Variants in KIF16B observed in about 807,000 individuals in gnomAD.
KIF16B encodes kinesin-like protein KIF16B.
In KIF16B, 98 loss-of-function variants were observed where a neutral mutation model predicts 156.3. The observed-to-expected ratio is 0.63, with a 90% CI of 0.53 to 0.74. KIF16B has a LOEUF of 0.74. Ranked by LOEUF, KIF16B falls within the 30% of genes least tolerant of loss-of-function variation. The probability of loss-of-function intolerance (pLI) is 0.00; values close to 1 mark genes in which losing one functional copy is unlikely to be tolerated. For missense variants in KIF16B, 1,421 were observed against 1,606.5 expected, an observed-to-expected ratio of 0.88 and a Z score of 1.97; for synonymous variants, 564 against 583.7, an observed-to-expected ratio of 0.97 and a Z score of 0.49.
At chr20:16,316,101 C>T (rs2063694027) in intron 24 of KIF16B, among the ~76,000 whole-genome samples, 1 of 152,204 alleles carries the variant, frequency 6.6e-6, no homozygotes, top group African/African-American at 2.4e-5. Flanking sequence ...TCTATAAGCT[C>T]AGGTTGGACA....
chr20:16,514,190 T>C (rs539622985), intron 4 of KIF16B, among the ~76,000 whole-genome samples: 1 of 152,264 alleles, frequency 6.6e-6, no homozygotes, highest in East Asian at 1.9e-4. Flanking sequence ...AATTTCACTT[T>C]TGGAAGTTTT....
intron 12 of KIF16B, among the ~76,000 whole-genome samples, chr20:16,493,341 T>C (rs2068354613): frequency 6.6e-6 from 1 of 152,170 alleles, no homozygotes; most frequent in Non-Finnish European, 1.5e-5. Context: ...TCTGAAACAG[T>C]TGTCAGATGC....
intron 12 of KIF16B, among the ~76,000 whole-genome samples, chr20:16,473,829 G>A (rs2067732194): frequency 6.6e-6 from 1 of 152,172 alleles, no homozygotes; most frequent in Non-Finnish European, 1.5e-5. Context: ...AAGAAATACT[G>A]ATGGCTCAGA....
chr20:16,379,886 G>A lies in KIF16B; in HGVS notation c.2116C>T (p.Gln706Ter). 1 of 1,614,072 alleles carries A rather than the reference G, an allele frequency of 6.2e-7. No individual in the cohort carries two copies. Among genetic ancestry groups the A allele is most frequent in the Non-Finnish European group, 8.5e-7 (1 of 1,180,020 alleles). Residue 706 changes from glutamine to a stop codon, truncating the protein, a stop_gained, in exon 19 of 26, where the codon CAA becomes TAA. Coordinates refer to ENST00000354981, the MANE Select transcript of KIF16B (RefSeq NM_024704.5). LOFTEE classifies it high-confidence loss of function. ...TCTTTGAGTCGTTGGAGTTCTTCTT[G>A]GACGCGGAGAAAGGTCTCTTCTTCT... ...RQEEETFLRV[Q>*]EELQRLKELN...
intron 1 of KIF16B, among the ~76,000 whole-genome samples, chr20:16,565,367 G>C (rs569912090): frequency 6.6e-6 from 1 of 152,070 alleles, no homozygotes; most frequent in Non-Finnish European, 1.5e-5. Context: ...ACCTTCATGA[G>C]AGAATGAAAA....
intron 25 of KIF16B, among the ~76,000 whole-genome samples, chr20:16,282,934 T>C (rs1296408846): frequency 6.6e-6 from 1 of 152,162 alleles, no homozygotes; most frequent in Non-Finnish European, 1.5e-5. Context: ...AGTCTCCAAA[T>C]GTTAATCCCC....
chr20:16,563,079 T>C (rs1317183633), intron 1 of KIF16B, among the ~76,000 whole-genome samples: 1 of 152,224 alleles, frequency 6.6e-6, no homozygotes, highest in African/African-American at 2.4e-5. Context: ...ACTTAAAGTG[T>C]CTATAAATAA....
chr20:16,471,102 A>C (rs930211462), intron 12 of KIF16B, among the ~76,000 whole-genome samples: 1 of 152,148 alleles, frequency 6.6e-6, no homozygotes, highest in Non-Finnish European at 1.5e-5. Flanking sequence ...GAACAGAGAG[A>C]GCTAACCATC....
chr20:16,490,964 A>C (rs2068271791), intron 12 of KIF16B, among the ~76,000 whole-genome samples: 1 of 152,178 alleles, frequency 6.6e-6, no homozygotes, highest in African/African-American at 2.4e-5. Context: ...TTCTGTGTGT[A>C]AGAGTTGGCA....
At chr20:16,360,755 G>C (rs1369249174) in intron 22 of KIF16B, among the ~76,000 whole-genome samples, 1 of 152,166 alleles carries the variant, frequency 6.6e-6, no homozygotes, top group Non-Finnish European at 1.5e-5. Flanking sequence ...AAACACTGTA[G>C]TCCAGTCCTT....
At chr20:16,373,835 C>G (rs1319505914) in intron 20 of KIF16B, among the ~76,000 whole-genome samples, 1 of 152,218 alleles carries the variant, frequency 6.6e-6, no homozygotes, top group Non-Finnish European at 1.5e-5. Context: ...CCAATAAATA[C>G]AGCTGGACCT....
At chr20:16,505,653 A>G in intron 9 of KIF16B, 69 bp downstream of exon 9, 2 of 1,423,490 alleles carry the variant, frequency 1.4e-6, no homozygotes, top group Non-Finnish European at 1.9e-6. Context: ...AAGACACTTT[A>G]AACTTAAATA....
chr20:16,314,676 C>T (rs778346408), intron 24 of KIF16B, among the ~76,000 whole-genome samples: 7 of 152,118 alleles, frequency 4.6e-5, no homozygotes, highest in Non-Finnish European at 8.8e-5. Context: ...AAAAGGATTC[C>T]GTGAAGATTT....
chr20:16,550,666 T>C (rs2070613526), intron 1 of KIF16B, among the ~76,000 whole-genome samples: 1 of 150,496 alleles, frequency 6.6e-6, no homozygotes, highest in Admixed American at 6.6e-5. Context: ...CCCAAGTAGC[T>C]AAGACTACAG....
chr20:16,363,813 AC>A (rs1180326621), intron 22 of KIF16B, among the ~76,000 whole-genome samples: 4 of 152,106 alleles, frequency 2.6e-5, no homozygotes, highest in African/African-American at 4.8e-5. Context: ...TAAAATAAAA[AC>A]TTTTTTTAAT....
At chr20:16,324,990 G>A (rs1443217457) in intron 24 of KIF16B, among the ~76,000 whole-genome samples, 1 of 151,980 alleles carries the variant, frequency 6.6e-6, no homozygotes, top group African/African-American at 2.4e-5. Flanking sequence ...TGCAGAGAAG[G>A]TTTAACATAC....
intron 19 of KIF16B, among the ~76,000 whole-genome samples, chr20:16,377,245 C>T (rs915878148): frequency 5.3e-5 from 8 of 152,028 alleles, no homozygotes; most frequent in African/African-American, 1.7e-4. Context: ...GGTTTCATCT[C>T]TCCAATCTGA....
intron 23 of KIF16B, among the ~76,000 whole-genome samples, chr20:16,351,502 T>G (rs1355531862): frequency 6.6e-6 from 1 of 152,254 alleles, no homozygotes; most frequent in Non-Finnish European, 1.5e-5. Flanking sequence ...GTCATCCGGT[T>G]AATGGCATTA....
At chr20:16,370,756 C>A (rs2064798688) in intron 21 of KIF16B, 120 bp from the exon 22 acceptor site, 1 of 703,296 alleles carries the variant, frequency 1.4e-6, no homozygotes, top group African/African-American at 1.9e-5. Context: ...TGTCATTCAA[C>A]AATGACAACC....
Sources: allele counts gnomAD v4.1 joint callset (sites outside exome capture counted in the v4.1 genomes callset), GRCh38; gene constraint gnomAD v4.1.1; transcripts MANE v1.5; gene names NCBI Gene and HGNC (gene_info 2026-07-23, HGNC 2026-07-21).